The following EIF2AK4 variants were observed in gnomAD, a reference collection of about 807,000 sequenced individuals.
EIF2AK4 encodes eIF-2-alpha kinase GCN2.
A neutral mutation model predicts 211.1 loss-of-function variants in EIF2AK4; 139 were observed. The observed-to-expected ratio is 0.66, with a 90% CI of 0.57 to 0.76. EIF2AK4 has a LOEUF of 0.76. EIF2AK4 is among the 30% of genes least tolerant of loss of function. EIF2AK4 has a pLI of 0.00. For missense variants in EIF2AK4, 1,664 were observed against 2,043.8 expected, an observed-to-expected ratio of 0.81 and a Z score of 3.58; for synonymous variants, 710 against 751.3, an observed-to-expected ratio of 0.94 and a Z score of 0.90.
chr15:39,993,393 A>G (rs950438689), intron 18 of EIF2AK4, among the ~76,000 whole-genome samples: 1 of 152,254 alleles, frequency 6.6e-6, no homozygotes, highest in African/African-American at 2.4e-5. Flanking sequence ...GGTGAGGGCT[A>G]GGAAGAAAAG....
At chr15:39,992,931 C>T in intron 18 of EIF2AK4, 83 bp downstream of exon 18, 6 of 1,327,138 alleles carry the variant, frequency 4.5e-6, no homozygotes, top group Non-Finnish European at 6.5e-6. Flanking sequence ...TTAGTCCCGG[C>T]TAAAATAGTC....
At chr15:39,969,153 T>C (rs1345493128) in intron 9 of EIF2AK4, among the ~76,000 whole-genome samples, 3 of 152,048 alleles carry the variant, frequency 2.0e-5, no homozygotes, top group South Asian at 2.1e-4. Context: ...GCCTTCTTCA[T>C]TGATGAAGAG....
intron 16 of EIF2AK4, among the ~76,000 whole-genome samples, chr15:39,990,631 A>C (rs968228611): frequency 6.6e-6 from 1 of 152,238 alleles, no homozygotes; most frequent in Admixed American, 6.5e-5. Context: ...AAAGGTGTAC[A>C]GTACTTTATG....
intron 20 of EIF2AK4, among the ~76,000 whole-genome samples, chr15:39,999,315 C>A (rs2035062230): frequency 6.6e-6 from 1 of 151,908 alleles, no homozygotes; most frequent in Non-Finnish European, 1.5e-5. Context: ...TGGCATCCAG[C>A]AAATATTAAA....
In EIF2AK4 at chr15:39,954,292, G is replaced by T. The variant is rs1055589214; in HGVS notation, c.594+308G>T. Among the ~76,000 whole-genome samples the T allele has an allele frequency of 2.7e-4, 41 of 152,216 alleles. 1 individual carries two copies. Among genetic ancestry groups the T allele is most frequent in the African/African-American group, 7.2e-5 (3 of 41,514 alleles). On this transcript the variant is annotated intron_variant, in intron 5 of 38. Coordinates refer to ENST00000263791, the MANE Select transcript of EIF2AK4 (RefSeq NM_001013703.4). ...TTTTGAGACAGAGTCTCATTCTGTC[G>T]CCCAGGCTGGAGTGCAGTGGTATGA...
intron 12 of EIF2AK4, 54 bp from the exon 13 acceptor site, chr15:39,978,024 T>A (rs1248168683): frequency 1.5e-6 from 2 of 1,324,920 alleles, no homozygotes; most frequent in African/African-American, 2.9e-5. Flanking sequence ...TGTCCATGTT[T>A]ATAATGATAA....
chr15:40,025,408 A>C (rs1206759644), intron 32 of EIF2AK4, among the ~76,000 whole-genome samples: 3 of 152,210 alleles, frequency 2.0e-5, no homozygotes, highest in Admixed American at 2.0e-4. Flanking sequence ...GGAGAAACCG[A>C]GGACAGTGAT....
intron 34 of EIF2AK4, among the ~76,000 whole-genome samples, chr15:40,029,942 A>G (rs906279018): frequency 6.6e-6 from 1 of 152,194 alleles, no homozygotes; most frequent in Admixed American, 6.5e-5. Flanking sequence ...GAGAAGACAT[A>G]TTTGGCTTTT....
chr15:39,935,134 G>T (rs2034045730), intron 1 of EIF2AK4, among the ~76,000 whole-genome samples: 1 of 152,172 alleles, frequency 6.6e-6, no homozygotes, highest in South Asian at 2.1e-4. Context: ...ATGGGCCTCG[G>T]GTTAGACCAG....
chr15:40,000,235 T>G (rs536293313), intron 20 of EIF2AK4, among the ~76,000 whole-genome samples: 4 of 152,190 alleles, frequency 2.6e-5, no homozygotes, highest in Non-Finnish European at 5.9e-5. Context: ...TACAAACTAA[T>G]TGCCTGTGTT....
intron 13 of EIF2AK4, among the ~76,000 whole-genome samples, chr15:39,981,361 ACT>A (rs1260388610): frequency 6.6e-6 from 1 of 151,386 alleles, no homozygotes; most frequent in African/African-American, 2.4e-5. Context: ...CAAGAGCGAA[ACT>A]CTGTCTCAAA....
chr15:40,011,869 T>C (rs950933397), intron 27 of EIF2AK4, among the ~76,000 whole-genome samples: 5 of 152,226 alleles, frequency 3.3e-5, no homozygotes, highest in Non-Finnish European at 7.3e-5. Flanking sequence ...GGAAATCTTA[T>C]GGAATAAACA....
chr15:39,978,029 T>C (rs748736046), intron 12 of EIF2AK4, 49 bp from the exon 13 acceptor site: 1 of 1,357,114 alleles, frequency 7.4e-7, no homozygotes, highest in East Asian at 2.3e-5. Context: ...ATGTTTATAA[T>C]GATAATAGGG....
chr15:40,032,324 G>A (rs1203943134), intron 36 of EIF2AK4, 87 bp downstream of exon 36: 1 of 1,186,332 alleles, frequency 8.4e-7, no homozygotes, highest in East Asian at 2.4e-5. Flanking sequence ...TTTTTGCTCA[G>A]TGTCAGCAGA....
At chr15:39,992,070 G>T in intron 16 of EIF2AK4, 105 bp from the exon 17 acceptor site, 2 of 1,057,596 alleles carry the variant, frequency 1.9e-6, no homozygotes, top group South Asian at 3.4e-5. Context: ...ATATTATTTT[G>T]ATTTCCATGT....
At position 39,955,661 on chromosome 15, in the gene EIF2AK4, C is replaced by T; in HGVS notation, c.636C>T (p.Thr212=). ...EIASLSNQDH[T]SKKDPGGHRT... The stretch of plus-strand genomic sequence containing the variant: ...CTAGTTTGTCAAACCAAGATCATAC[C>T]TCTAAGAAGGACCCAGGAGGACACA... Residue 212 remains threonine (T), a synonymous_variant, in exon 6 of 39, where the codon ACC becomes ACT. Coordinates refer to ENST00000263791, the MANE Select transcript of EIF2AK4 (RefSeq NM_001013703.4). The T allele has an allele frequency of 4.3e-6, 7 of 1,611,564 alleles. No homozygotes were observed. The highest frequency in any genetic ancestry group is 5.1e-6 in the Non-Finnish European group (6 of 1,179,334).
At position 39,976,805 on chromosome 15, in the gene EIF2AK4, A is replaced by C; in HGVS notation, c.2210A>C (p.Asp737Ala). Residue 737 changes from aspartate to alanine, a missense_variant, in exon 12 of 39, where the codon GAC becomes GCC. Physicochemically the swap from Asp to Ala is moderately radical, Grantham distance 126 (BLOSUM62 -2). Coordinates refer to ENST00000263791, the MANE Select transcript of EIF2AK4 (RefSeq NM_001013703.4). ...GPGSSDDEDDDEDEHGGVFSQ... is the reference protein window; with the variant it reads ...GPGSSDDEDDAEDEHGGVFSQ... ...GGCTCCAGCGATGACGAGGACGACG[A>C]CGAGGACGAGCACGGTGGCGTCTTC... The C allele has an allele frequency of 6.4e-7, 1 of 1,572,678 alleles. No individual in the cohort carries two copies. Among genetic ancestry groups the C allele is most frequent in the Non-Finnish European group, 8.6e-7 (1 of 1,161,630 alleles).
intron 13 of EIF2AK4, among the ~76,000 whole-genome samples, chr15:39,983,670 G>A (rs973401404): frequency 3.3e-5 from 5 of 152,178 alleles, no homozygotes; most frequent in Admixed American, 6.5e-5. Context: ...TCATACGCCC[G>A]ACCTCAGGTG....
intron 9 of EIF2AK4, among the ~76,000 whole-genome samples, chr15:39,970,414 C>CAT (rs2034607218): frequency 6.6e-6 from 1 of 152,034 alleles, no homozygotes; most frequent in Non-Finnish European, 1.5e-5. Context: ...CCCAACAGGG[C>CAT]ATATATAGGG....
Sources: gnomAD v4.1 joint callset for allele counts (sites outside exome capture counted in the v4.1 genomes callset) on GRCh38, gnomAD v4.1.1 for gene constraint, MANE v1.5 for transcripts, NCBI Gene and HGNC (gene_info 2026-07-23, HGNC 2026-07-21) for gene names.